TMEM131L: variants seen among roughly 807,000 people sequenced by gnomAD.
The protein encoded by TMEM131L is transmembrane 131 like, also known as transmembrane protein 131-like.
Under a neutral mutation model 192.2 loss-of-function variants are expected in TMEM131L, and 54 were observed. That is an observed-to-expected ratio of 0.28 (90% confidence interval 0.23 to 0.35). The LOEUF (loss-of-function observed/expected upper bound fraction) is 0.35, where lower values mean the gene tolerates loss of function less well. Among genes scored for constraint, TMEM131L ranks in the 10% least tolerant of loss-of-function variants. The pLI is 1.00. For missense variants in TMEM131L, 1,888 were observed against 1,972.9 expected (o/e 0.96, Z 0.82); for synonymous variants, 701 against 704.9 (o/e 0.99, Z 0.09).
chr4:153,471,451 C>T (rs993773775), intron 2 of TMEM131L, among the ~76,000 whole-genome samples: 26 of 152,172 alleles, frequency 1.7e-4, no homozygotes, highest in African/African-American at 6.0e-4. Context: ...GCGGGAGAGG[C>T]AGTTGTCAGT....
chr4:153,496,866 T>G (rs1733209296), intron 3 of TMEM131L, among the ~76,000 whole-genome samples: 1 of 151,902 alleles, frequency 6.6e-6, no homozygotes, highest in South Asian at 2.1e-4. Context: ...AAGACTTTTT[T>G]TTTTTTGTTT....
intron 21 of TMEM131L, 41 bp downstream of exon 21, chr4:153,598,773 A>G (rs1200711260): frequency 1.4e-6 from 2 of 1,469,508 alleles, no homozygotes; most frequent in Admixed American, 2.1e-5. Flanking sequence ...GGAGGTTGGC[A>G]TTAAAGCTGA....
At chr4:153,519,494 A>G (rs982412634) in intron 3 of TMEM131L, among the ~76,000 whole-genome samples, 1 of 152,174 alleles carries the variant, frequency 6.6e-6, no homozygotes, top group Non-Finnish European at 1.5e-5. Context: ...AGGGATGGAG[A>G]TGCTTTGAGC....
intron 2 of TMEM131L, among the ~76,000 whole-genome samples, 179 bp from the exon 3 acceptor site, chr4:153,473,666 C>G (rs190469185): frequency 1.3e-5 from 2 of 152,144 alleles, no homozygotes; most frequent in African/African-American, 2.4e-5. Context: ...GTGGCATGTG[C>G]CTATAGTCCC....
intron 3 of TMEM131L, among the ~76,000 whole-genome samples, chr4:153,547,512 TAATG>T (rs1302475222): frequency 6.6e-6 from 1 of 152,254 alleles, no homozygotes; most frequent in Non-Finnish European, 1.5e-5. Flanking sequence ...TTATTGACCT[TAATG>T]AAGCCTTTGC....
intron 3 of TMEM131L, among the ~76,000 whole-genome samples, chr4:153,497,584 T>C (rs1733266371): frequency 6.6e-6 from 1 of 152,212 alleles, no homozygotes; most frequent in Non-Finnish European, 1.5e-5. Context: ...TTATGTTATA[T>C]ATTCAGAGAC....
intron 3 of TMEM131L, among the ~76,000 whole-genome samples, chr4:153,531,612 A>G (rs1561164403): frequency 6.6e-6 from 1 of 152,238 alleles, no homozygotes; most frequent in Non-Finnish European, 1.5e-5. Flanking sequence ...GTATTTTATT[A>G]TATAAACGTG....
chr4:153,535,735 A>T (rs1302272578), intron 3 of TMEM131L, among the ~76,000 whole-genome samples: 1 of 152,178 alleles, frequency 6.6e-6, no homozygotes, highest in Non-Finnish European at 1.5e-5. Flanking sequence ...TAATATTCTC[A>T]CAGGTTCAGA....
At chr4:153,512,445 A>G (rs1033606791) in intron 3 of TMEM131L, among the ~76,000 whole-genome samples, 3 of 152,212 alleles carry the variant, frequency 2.0e-5, no homozygotes, top group Non-Finnish European at 4.4e-5. Context: ...TCCTGGAAAG[A>G]TGAACTGATT....
chr4:153,527,051 A>T (rs1481682081), intron 3 of TMEM131L, among the ~76,000 whole-genome samples: 1 of 152,132 alleles, frequency 6.6e-6, no homozygotes, highest in Non-Finnish European at 1.5e-5. Flanking sequence ...CCCTCCATGA[A>T]AGACTGAAGA....
At chr4:153,503,865 T>C (rs1441214408) in intron 3 of TMEM131L, among the ~76,000 whole-genome samples, 1 of 152,236 alleles carries the variant, frequency 6.6e-6, no homozygotes, top group Admixed American at 6.5e-5. Context: ...AATTCTTTAA[T>C]AAGGAAAGAC....
chr4:153,586,257 A>C lies in TMEM131L; in HGVS notation c.1360A>C (p.Ile454Leu). The C allele has an allele frequency of 6.2e-7, 1 of 1,602,354 alleles. No homozygotes were observed. The highest frequency in any genetic ancestry group is 1.1e-5 in the South Asian group (1 of 87,094). The part of the protein sequence containing the change: ...PLFLPPGCWN[I>L]FSLKLAVKDI... ...ATTTCTACCTCCAGGCTGTTGGAAT[A>C]TATTTTCTTTGAAACTTGCTGTTAA... The change falls in exon 14 of 35, where the codon ATA becomes CTA. Residue 454 changes from isoleucine (I) to leucine (L), a missense_variant. Physicochemically the swap from Ile to Leu is conservative, Grantham distance 5. Transcript: ENST00000409959.
intron 16 of TMEM131L, among the ~76,000 whole-genome samples, chr4:153,590,324 G>T (rs558492753): frequency 6.6e-6 from 1 of 152,254 alleles, no homozygotes; most frequent in Non-Finnish European, 1.5e-5. Flanking sequence ...AATGTTTCTG[G>T]CAAGAATATG....
chr4:153,562,688 C>T (rs1431477225), intron 7 of TMEM131L, among the ~76,000 whole-genome samples: 1 of 152,144 alleles, frequency 6.6e-6, no homozygotes, highest in Non-Finnish European at 1.5e-5. Flanking sequence ...TGCCTCTTCT[C>T]CAGTATAGAG....
chr4:153,542,028 G>A (rs1580174065), intron 3 of TMEM131L, among the ~76,000 whole-genome samples: 2 of 152,178 alleles, frequency 1.3e-5, no homozygotes, highest in Admixed American at 6.5e-5. Flanking sequence ...GGCCCTTTCC[G>A]AATCCAGGAG....
intron 27 of TMEM131L, among the ~76,000 whole-genome samples, chr4:153,621,089 A>G (rs1733367817): frequency 6.6e-6 from 1 of 152,212 alleles, no homozygotes; most frequent in African/African-American, 2.4e-5. Context: ...TAAAGTGACC[A>G]TTTTGTATCT....
intron 31 of TMEM131L, among the ~76,000 whole-genome samples, chr4:153,629,981 A>G (rs567994749): frequency 6.6e-6 from 1 of 152,324 alleles, no homozygotes; most frequent in Non-Finnish European, 1.5e-5. Context: ...ATTGTGTTGT[A>G]CTTGAAGCAA....
chr4:153,632,924 A>T (rs1734313160), intron 32 of TMEM131L, 86 bp downstream of exon 32: 1 of 1,510,870 alleles, frequency 6.6e-7, no homozygotes. Context: ...GGGTTTCCTT[A>T]CAAAAATGAA....
At chr4:153,557,745 G>A (rs1427220688) in intron 6 of TMEM131L, among the ~76,000 whole-genome samples, 3 of 152,200 alleles carry the variant, frequency 2.0e-5, no homozygotes, top group African/African-American at 4.8e-5. Context: ...CTTGTGAACA[G>A]ATTTGCTACA....
Sources: allele counts gnomAD v4.1 joint callset (sites outside exome capture counted in the v4.1 genomes callset), GRCh38; gene constraint gnomAD v4.1.1; transcripts MANE v1.5; gene names NCBI Gene and HGNC (gene_info 2026-07-23, HGNC 2026-07-21).